The following PTPRZ1 variants were observed in gnomAD, a reference collection of about 807,000 sequenced individuals.
PTPRZ1 encodes receptor-type tyrosine-protein phosphatase zeta.
PTPRZ1 carries 82 observed loss-of-function variants against 214.1 expected under a neutral mutation model. The observed-to-expected ratio is 0.38, with a 90% CI of 0.32 to 0.46. The LOEUF is 0.46. PTPRZ1 is among the 20% of genes least tolerant of loss of function. The pLI, the probability that PTPRZ1 is intolerant of heterozygous loss-of-function variation, is 1.00. For synonymous variants in PTPRZ1, 945 were observed against 987.9 expected, an observed-to-expected ratio of 0.96 and a Z score of 0.81; for missense variants, 2,603 against 2,748.7, an observed-to-expected ratio of 0.95 and a Z score of 1.19.
At position 121,974,724 on chromosome 7, in the gene PTPRZ1, G is replaced by A. The variant is rs562385104; in HGVS notation, c.457-1449G>A. Reference sequence around the variant, plus strand: ...AGGCTGGTCTTGAACTCCTGACCTCGTGATCCACCCACCTCAGTCTCCCAA... The same window carrying A: ...AGGCTGGTCTTGAACTCCTGACCTCATGATCCACCCACCTCAGTCTCCCAA... On this transcript the variant is annotated intron_variant, in intron 4 of 29. Coordinates refer to ENST00000393386, the MANE Select transcript of PTPRZ1 (RefSeq NM_002851.3). Among the ~76,000 whole-genome samples the A allele has an allele frequency of 3.9e-5, 6 of 152,088 alleles. No homozygotes were observed. The East Asian group carries it at 5.8e-4, about 15-fold the overall frequency.
intron 1 of PTPRZ1, among the ~76,000 whole-genome samples, chr7:121,890,221 A>T (rs1479217271): frequency 2.0e-5 from 3 of 152,168 alleles, no homozygotes; most frequent in Non-Finnish European, 4.4e-5. Context: ...GACATGTTCA[A>T]ACTTGATCTC....
chr7:121,946,653 T>G (rs966522527), intron 2 of PTPRZ1, among the ~76,000 whole-genome samples: 4 of 152,132 alleles, frequency 2.6e-5, no homozygotes, highest in Non-Finnish European at 5.9e-5. Flanking sequence ...AACTTCAAAA[T>G]ACCTCCCCTC....
At chr7:121,997,781 C>T in intron 9 of PTPRZ1, 99 bp from the exon 10 acceptor site, 4 of 950,684 alleles carry the variant, frequency 4.2e-6, no homozygotes, top group Non-Finnish European at 5.9e-6. Flanking sequence ...GAAGTATTTT[C>T]CACGGACCAG....
intron 13 of PTPRZ1, among the ~76,000 whole-genome samples, 182 bp downstream of exon 13, chr7:122,019,450 C>T (rs968790533): frequency 1.3e-5 from 2 of 152,122 alleles, no homozygotes; most frequent in East Asian, 3.9e-4. Flanking sequence ...GTTCTTCATA[C>T]ATCAATTAAA....
chr7:121,919,005 G>T (rs1241721470), intron 1 of PTPRZ1, among the ~76,000 whole-genome samples: 1 of 151,576 alleles, frequency 6.6e-6, no homozygotes, highest in Non-Finnish European at 1.5e-5. Flanking sequence ...AAACATCTTG[G>T]TACATCATGT....
chr7:121,898,408 A>G (rs1418572129), intron 1 of PTPRZ1, among the ~76,000 whole-genome samples: 3 of 152,184 alleles, frequency 2.0e-5, no homozygotes, highest in Non-Finnish European at 4.4e-5. Context: ...TGTTAAAGGA[A>G]TTTCTTGGAA....
rs1478078730 is a variant in PTPRZ1, at chr7:122,038,845, G to A, written c.5458G>A (p.Val1820Met). The A allele has an allele frequency of 2.5e-6, 4 of 1,613,760 alleles. No individual in the cohort carries two copies. The highest frequency in any genetic ancestry group is 3.4e-6 in the Non-Finnish European group (4 of 1,179,840). The change falls in exon 19 of 30, where the codon GTG becomes ATG. Residue 1820 changes from valine to methionine, a missense_variant. By Grantham distance (21) the Val-to-Met change is conservative. Coordinates refer to ENST00000393386, the MANE Select transcript of PTPRZ1 (RefSeq NM_002851.3). ...CTGGAGAATGATATGGGAACATAATGTGGAAGTTATTGTCATGATAACAAA... is the reference window on the plus strand; with the variant it reads ...CTGGAGAATGATATGGGAACATAATATGGAAGTTATTGTCATGATAACAAA... ...DFWRMIWEHN[V>M]EVIVMITNLV...
chr7:121,990,809 C>T (rs879524136), intron 8 of PTPRZ1, among the ~76,000 whole-genome samples: 3 of 152,104 alleles, frequency 2.0e-5, no homozygotes, highest in South Asian at 2.1e-4. Context: ...CGTGAGCCAT[C>T]GTGCTTGGCC....
At chr7:121,887,860 C>T (rs903800623) in intron 1 of PTPRZ1, among the ~76,000 whole-genome samples, 1 of 152,056 alleles carries the variant, frequency 6.6e-6, no homozygotes, top group Non-Finnish European at 1.5e-5. Context: ...TCGCTAACAC[C>T]TCTTCATCCC....
intron 2 of PTPRZ1, among the ~76,000 whole-genome samples, chr7:121,956,643 A>G (rs1365850865): frequency 6.6e-6 from 1 of 152,272 alleles, no homozygotes; most frequent in Non-Finnish European, 1.5e-5. Flanking sequence ...TGCCTGATGC[A>G]TTGGTGACCA....
At position 121,967,991 on chromosome 7, in the gene PTPRZ1, A is replaced by G. The variant is rs1461543205; in HGVS notation, c.165A>G (p.Thr55=). The G allele has an allele frequency of 6.3e-7, 1 of 1,593,364 alleles. No individual in the cohort carries two copies. The change falls in exon 3 of 30, where the codon ACA becomes ACG. Residue 55 remains threonine (T), a synonymous_variant. Coordinates refer to ENST00000393386, the MANE Select transcript of PTPRZ1 (RefSeq NM_002851.3). ...NQKNWGKKYP[T]CNSPKQSPIN... ...AAAATTGGGGAAAGAAATATCCAAC[A>G]TGTAATAGCCCAAAACAATCTCCTA...
At chr7:121,883,558 T>C (rs1358092300) in intron 1 of PTPRZ1, among the ~76,000 whole-genome samples, 1 of 152,202 alleles carries the variant, frequency 6.6e-6, no homozygotes, top group African/African-American at 2.4e-5. Context: ...TATATAAAAA[T>C]AGTGTAATGG....
intron 1 of PTPRZ1, among the ~76,000 whole-genome samples, chr7:121,927,105 A>G (rs527400240): frequency 5.3e-5 from 8 of 152,332 alleles, no homozygotes; most frequent in African/African-American, 1.9e-4. Context: ...TTTGCATCCA[A>G]TAGAGAAAAC....
At chr7:121,921,779 G>A (rs779784514) in intron 1 of PTPRZ1, among the ~76,000 whole-genome samples, 4 of 152,090 alleles carry the variant, frequency 2.6e-5, no homozygotes, top group Non-Finnish European at 4.4e-5. Context: ...CAAATGGCTT[G>A]ATATATATAC....
rs537336389 is a variant in PTPRZ1, at chr7:121,948,067, G to A, written c.124+19846G>A. On this transcript the variant is annotated intron_variant, in intron 2 of 29. Transcript: ENST00000393386. ...GAATTCATTTACCTGCCTGTTCAGA[G>A]AACAGGCATGAGAGCTAAGGGAAAT... Among the ~76,000 whole-genome samples the A allele has an allele frequency of 6.0e-4, 91 of 152,178 alleles. 3 individuals carry two copies. The South Asian group carries it at 0.018, about 31-fold the overall frequency.
At chr7:122,046,785 G>A (rs959197068) in intron 23 of PTPRZ1, among the ~76,000 whole-genome samples, 6 of 152,252 alleles carry the variant, frequency 3.9e-5, no homozygotes, top group South Asian at 2.1e-4. Context: ...CAATAAACAT[G>A]TATATTTGGC....
chr7:121,994,289 C>CTTTTTTTTTTTT lies in PTPRZ1; in HGVS notation c.929-2081_929-2070dup, dbSNP rs35332072. 3.1e-4 allele frequency among the ~76,000 whole-genome samples: 23 copies of CTTTTTTTTTTTT among 75,348 alleles called. 3 individuals carry two copies. Among genetic ancestry groups the CTTTTTTTTTTTT allele is most frequent in the Admixed American group, 9.4e-4 (4 of 4,242 alleles). The allele number at this position is 75,348 out of a possible 152,430, so 49.4% of individuals were successfully genotyped here. A position where few individuals can be genotyped will look rare whatever the true frequency, so the allele number is the denominator to read the frequency against. On this transcript the variant is annotated intron_variant, in intron 8 of 29. Transcript: ENST00000393386. ...ATGTATGCATAAAATTAATGCATTT[C>CTTTTTTTTTTTT]TTTTTTTTTTTTTTTTTTTTTTTGA...
At chr7:121,976,080 A>C in intron 4 of PTPRZ1, 93 bp from the exon 5 acceptor site, 1 of 791,744 alleles carries the variant, frequency 1.3e-6, no homozygotes, top group Non-Finnish European at 2.0e-6. Context: ...GTAATTTATA[A>C]AAGATTTTGG....
intron 23 of PTPRZ1, among the ~76,000 whole-genome samples, chr7:122,050,857 A>T (rs1040610365): frequency 6.6e-6 from 1 of 152,162 alleles, no homozygotes; most frequent in Admixed American, 6.5e-5. Context: ...AACACTGAAT[A>T]ACTGAATACT....
Sources: gnomAD v4.1 joint callset for allele counts (sites outside exome capture counted in the v4.1 genomes callset) on GRCh38, gnomAD v4.1.1 for gene constraint, MANE v1.5 for transcripts, NCBI Gene and HGNC (gene_info 2026-07-23, HGNC 2026-07-21) for gene names.